Variants in NEMP2 observed in about 807,000 individuals in gnomAD.
NEMP2 encodes the protein UPF0571 transmembrane protein.
Under a neutral mutation model 54.2 loss-of-function variants are expected in NEMP2, and 53 were observed. The ratio of observed to expected loss-of-function variants is 0.98; its 90% confidence interval spans 0.78 to 1.23. NEMP2 has a LOEUF of 1.23. Among genes scored for constraint, NEMP2 ranks in the 50% most tolerant of loss-of-function variants. The pLI is 0.00. For synonymous variants in NEMP2, 197 were observed against 190.3 expected (o/e 1.04, Z -0.29); for missense variants, 455 against 511.3 (o/e 0.89, Z 1.06).
rs142163630 is a variant in NEMP2 at position 190,505,308 on chromosome 2, C to G, written c.*3881G>C. 6.6e-6 allele frequency: 1 copy of G among 152,198 alleles called. No homozygotes were observed. The highest frequency in any genetic ancestry group is 2.4e-5 in the African/African-American group (1 of 41,440). 9.4% of individuals were successfully genotyped at this position (152,198 alleles called of 1,614,324 possible). A position where few individuals can be genotyped will look rare whatever the true frequency, so the allele number is the denominator to read the frequency against. On this transcript the variant is annotated 3_prime_UTR_variant, in exon 9 of 9. Coordinates refer to ENST00000409150, the MANE Select transcript of NEMP2 (RefSeq NM_001142645.2). This position sits in a 1 kb window ranked among gnomAD's most constrained non-coding sequence, Gnocchi z 5.8. ...TATATGTGTCCTTCAGCAACTTTCT[C>G]CTACCTTCTCTGGGTCTTTCCTCAT...
At chr2:190,614,190 A>G in the NEMP2 span, among the ~76,000 whole-genome samples, 1 of 152,126 alleles carries the variant, frequency 6.6e-6, no homozygotes, top group Admixed American at 6.5e-5. This position sits in a 1 kb window ranked among gnomAD's most constrained non-coding sequence, Gnocchi z 5.7. Context: ...GGCAGAGCCA[A>G]CACTGAATCC....
chr2:190,555,615 T>TA, the NEMP2 span, among the ~76,000 whole-genome samples: 48 of 149,632 alleles, frequency 3.2e-4, 1 homozygote, highest in Non-Finnish European at 4.5e-4. This position sits in a 1 kb window ranked among gnomAD's most constrained non-coding sequence, Gnocchi z 4.8. Flanking sequence ...GAAGACATGC[T>TA]AAAAAAAAAG....
At chr2:190,442,589 A>G in the NEMP2 span, 1 of 152,286 alleles carries the variant, frequency 6.6e-6, no homozygotes, top group Middle Eastern at 3.4e-3. Flanking sequence ...AGCAACAGAA[A>G]TTGAGGGAAG....
At chr2:190,482,917 C>T in the NEMP2 span, among the ~76,000 whole-genome samples, 6 of 88,600 alleles carry the variant, frequency 6.8e-5, no homozygotes, top group Non-Finnish European at 1.1e-4. Flanking sequence ...CGGAGTCTCA[C>T]TCTGTCGCCC....
chr2:190,640,127 C>T, the NEMP2 span, among the ~76,000 whole-genome samples: 1 of 152,080 alleles, frequency 6.6e-6, no homozygotes, highest in Non-Finnish European at 1.5e-5. Flanking sequence ...GAGCATTTCT[C>T]AATATTATTA....
At chr2:190,444,954 G>T in the NEMP2 span, 1 of 628,010 alleles carries the variant, frequency 1.6e-6, no homozygotes, top group South Asian at 7.2e-5. Flanking sequence ...TAGCATACTG[G>T]GTAACAAATT....
the NEMP2 span, chr2:190,624,868 TA>T: frequency 1.3e-5 from 2 of 152,172 alleles, no homozygotes; most frequent in African/African-American, 4.8e-5. Context: ...TTCTCAACCA[TA>T]TTAGTTATTA....
the NEMP2 span, among the ~76,000 whole-genome samples, chr2:190,438,116 G>A: frequency 6.6e-6 from 1 of 151,488 alleles, no homozygotes; most frequent in Admixed American, 6.6e-5. The surrounding 1 kb of genome is among the most constrained non-coding windows in gnomAD (Gnocchi z 5.2). Context: ...TTTTTTTTGG[G>A]TTATTACATG....
rs1307511311 is a variant in NEMP2, at chr2:190,528,565, A to G, written c.98-3187T>C. Among the ~76,000 whole-genome samples the G allele has an allele frequency of 2.0e-5, 3 of 152,206 alleles. No homozygotes were observed. The highest frequency in any genetic ancestry group is 7.2e-5 in the African/African-American group (3 of 41,454). On this transcript the variant is annotated intron_variant, in intron 1 of 8. Transcript: ENST00000409150. The surrounding 1 kb of genome is among the most constrained non-coding windows in gnomAD (Gnocchi z 4.3). ...AACTATGATAATAATGTTTACTTCC[A>G]GACAGGTCTTTCTTCACCACCCATG...
At chr2:190,460,088 T>TA in the NEMP2 span, among the ~76,000 whole-genome samples, 1 of 152,208 alleles carries the variant, frequency 6.6e-6, no homozygotes, top group Non-Finnish European at 1.5e-5. Flanking sequence ...CTTACTCTTC[T>TA]GGTGAGATAG....
At chr2:190,436,541 A>G in the NEMP2 span, 24 of 1,614,088 alleles carry the variant, frequency 1.5e-5, no homozygotes, top group Middle Eastern at 1.6e-4. This position sits in a 1 kb window ranked among gnomAD's most constrained non-coding sequence, Gnocchi z 5.3. Flanking sequence ...CACCCCACCA[A>G]TGCAAGTCAC....
At chr2:190,631,358 C>A in the NEMP2 span, among the ~76,000 whole-genome samples, 4,462 of 152,236 alleles carry the variant, frequency 0.029, 239 homozygotes, top group African/African-American at 0.1. Flanking sequence ...TATTTAGGCT[C>A]TCAGTGTTGA....
the NEMP2 span, among the ~76,000 whole-genome samples, chr2:190,478,536 C>T: frequency 2.2e-4 from 33 of 152,144 alleles, no homozygotes; most frequent in Admixed American, 6.5e-4. Context: ...TTACAAGGCT[C>T]GTCCAAATGG....
In NEMP2 at chr2:190,509,398, C is replaced by T. The variant is rs1690278583; in HGVS notation, c.1131-86G>A. ...TAACATGTTCCCTTGCTATTTATCC[C>T]CTTTAATTAAATTTGACTTTGCATC... On this transcript the variant is annotated intron_variant, in intron 8 of 8. Coordinates refer to ENST00000409150, the MANE Select transcript of NEMP2 (RefSeq NM_001142645.2). The surrounding 1 kb of genome is among the most constrained non-coding windows in gnomAD (Gnocchi z 6.1). 1.4e-6 allele frequency: 2 copies of T among 1,444,392 alleles called. No homozygotes were observed. Among genetic ancestry groups the T allele is most frequent in the Non-Finnish European group, 1.9e-6 (2 of 1,061,872 alleles). The allele number at this position is 1,444,392 out of a possible 1,614,324, so 89.5% of individuals were successfully genotyped here.
the NEMP2 span, among the ~76,000 whole-genome samples, chr2:190,617,902 C>T: frequency 2.0e-5 from 3 of 152,226 alleles, no homozygotes; most frequent in Admixed American, 6.5e-5. The surrounding 1 kb of genome is among the most constrained non-coding windows in gnomAD (Gnocchi z 5.0). Context: ...ATGGTTTTTA[C>T]GGTTTCATGA....
chr2:190,450,515 AG>A, the NEMP2 span, among the ~76,000 whole-genome samples: 1 of 96,984 alleles, frequency 1.0e-5, no homozygotes, highest in African/African-American at 3.8e-5. Flanking sequence ...TTTTTGAGAC[AG>A]GGGTCTCACT....
At chr2:190,442,625 C>T in the NEMP2 span, 1 of 152,094 alleles carries the variant, frequency 6.6e-6, no homozygotes, top group Non-Finnish European at 1.5e-5. Flanking sequence ...GTAAAATTGA[C>T]AGAATTATTT....
At chr2:190,566,400 C>G in the NEMP2 span, among the ~76,000 whole-genome samples, 1 of 152,068 alleles carries the variant, frequency 6.6e-6, no homozygotes, top group Non-Finnish European at 1.5e-5. Context: ...GGGAGGATCA[C>G]TTGAGCCCAG....
chr2:190,422,989 A>C, the NEMP2 span, among the ~76,000 whole-genome samples: 1 of 152,174 alleles, frequency 6.6e-6, no homozygotes, highest in Non-Finnish European at 1.5e-5. Context: ...AGATAAGAAA[A>C]TACATTATCA....
Sources: gnomAD v4.1 joint callset for allele counts (sites outside exome capture counted in the v4.1 genomes callset) on GRCh38, gnomAD v4.1.1 for gene constraint, Gnocchi (gnomAD v3.1) non-coding constraint, MANE v1.5 for transcripts, NCBI Gene and HGNC (gene_info 2026-07-23, HGNC 2026-07-21) for gene names.